Variants in DNAJC24 observed in about 807,000 individuals in gnomAD.
The protein encoded by DNAJC24 is dnaJ homolog subfamily C member 24.
In DNAJC24, 17 loss-of-function variants were observed where a neutral mutation model predicts 18.0. That is an observed-to-expected ratio of 0.94 (90% CI 0.65 to 1.42). The LOEUF is 1.42. Among genes scored for constraint, DNAJC24 ranks in the 40% most tolerant of loss-of-function variants. The probability of loss-of-function intolerance (pLI) is 0.00; values close to 1 mark genes in which losing one functional copy is unlikely to be tolerated. For missense variants in DNAJC24, 158 were observed against 175.6 expected (o/e 0.90, Z 0.57); for synonymous variants, 55 against 57.7 (o/e 0.95, Z 0.21).
At chr11:31,410,292 A>G (rs563803495) in intron 2 of DNAJC24, among the ~76,000 whole-genome samples, 2 of 152,358 alleles carry the variant, frequency 1.3e-5, no homozygotes, top group Non-Finnish European at 2.9e-5. Context: ...CTAATAACTA[A>G]TAAAAAAGTT....
At chr11:31,401,494 C>G (rs1426807527) in intron 2 of DNAJC24, among the ~76,000 whole-genome samples, 3 of 151,912 alleles carry the variant, frequency 2.0e-5, no homozygotes, top group African/African-American at 7.3e-5. Flanking sequence ...CCCCTCTTCC[C>G]CTTCCTCTGC....
chr11:31,411,540 G>T (rs181036570), intron 2 of DNAJC24, among the ~76,000 whole-genome samples: 14 of 152,342 alleles, frequency 9.2e-5, no homozygotes, highest in African/African-American at 3.1e-4. Flanking sequence ...TCCATTGCTT[G>T]TCTTTTCCAG....
chr11:31,395,377 G>A (rs143143892), intron 2 of DNAJC24, among the ~76,000 whole-genome samples: 90 of 152,128 alleles, frequency 5.9e-4, no homozygotes, highest in Non-Finnish European at 9.1e-4. Flanking sequence ...GTGTCTTTGT[G>A]GTGTAAGGAT....
intron 2 of DNAJC24, among the ~76,000 whole-genome samples, chr11:31,390,632 G>A (rs1427776406): frequency 2.0e-5 from 3 of 151,140 alleles, no homozygotes; most frequent in Non-Finnish European, 2.9e-5. Context: ...CTTGAACCTG[G>A]GAGGTGGAGG....
chr11:31,426,421 C>T, intron 4 of DNAJC24, 66 bp downstream of exon 4: 1 of 860,526 alleles, frequency 1.2e-6, no homozygotes, highest in Non-Finnish European at 1.8e-6. Flanking sequence ...GAAAAAAAAA[C>T]TCATTGGATA....
At chr11:31,411,675 C>G (rs1046832386) in intron 2 of DNAJC24, among the ~76,000 whole-genome samples, 8 of 152,210 alleles carry the variant, frequency 5.3e-5, no homozygotes, top group African/African-American at 1.4e-4. Context: ...TCAGCTCTTT[C>G]TCTGCCTCTT....
rs1009878444 is a variant in DNAJC24, at chr11:31,382,466, G to T, written c.111+11607G>T. ...GTACAAGATGCATTTAAAGAATCAT[G>T]CAGGGCCATATAAAAATACAGAATA... On this transcript the variant is annotated intron_variant, in intron 2 of 4. Coordinates refer to ENST00000465995, the MANE Select transcript of DNAJC24 (RefSeq NM_181706.5). Among the ~76,000 whole-genome samples the T allele has an allele frequency of 9.9e-5, 15 of 152,228 alleles. 1 individual carries two copies. Among genetic ancestry groups the T allele is most frequent in the Admixed American group, 7.8e-4 (12 of 15,290 alleles).
At position 31,417,439 on chromosome 11, in the gene DNAJC24, G is replaced by A. The variant is rs1952760502; in HGVS notation, c.250+2490G>A. 4 of 152,010 alleles carry A rather than the reference G, an allele frequency of 2.6e-5. No individual in the cohort carries two copies. The South Asian group carries it at 8.3e-4, about 32-fold the overall frequency. The allele number at this position is 152,010 out of a possible 1,614,324, so 9.4% of individuals were successfully genotyped here. A position where few individuals can be genotyped will look rare whatever the true frequency, so the allele number is the denominator to read the frequency against. ...TGAACTTGAACATCTCTAAAAGTGA[G>A]GATTTAGGTTTGCTAGAAGGAAAAC... On this transcript the variant is annotated intron_variant, in intron 3 of 4. Coordinates refer to ENST00000465995, the MANE Select transcript of DNAJC24 (RefSeq NM_181706.5).
intron 4 of DNAJC24, chr11:31,429,345 G>A (rs1009132682): frequency 1.4e-5 from 3 of 221,358 alleles, no homozygotes; most frequent in African/African-American, 6.8e-5. Flanking sequence ...CATATGATGC[G>A]ATCTAAGTAT....
At chr11:31,421,740 T>C (rs182141334) in intron 3 of DNAJC24, among the ~76,000 whole-genome samples, 47 of 152,306 alleles carry the variant, frequency 3.1e-4, no homozygotes, top group African/African-American at 1.1e-3. Flanking sequence ...TTTACTATCA[T>C]TAGGAGGAAG....
intron 2 of DNAJC24, among the ~76,000 whole-genome samples, chr11:31,378,022 T>C: frequency 6.6e-6 from 1 of 152,074 alleles, no homozygotes; most frequent in Non-Finnish European, 1.5e-5. Context: ...GTCATCCACT[T>C]TAATGTCTTG....
At position 31,411,826 on chromosome 11, in the gene DNAJC24, G is replaced by C. The variant is rs561669462; in HGVS notation, c.112-2985G>C. On this transcript the variant is annotated intron_variant, in intron 2 of 4. Transcript: ENST00000465995. ...TAACATTTACAGGTACCAGATATTG[G>C]GACTTTATATATTTGGGGGCCATTA... Among the ~76,000 whole-genome samples the C allele has an allele frequency of 4.6e-5, 7 of 152,234 alleles. No homozygotes were observed. The South Asian group carries it at 1.5e-3, about 32-fold the overall frequency.
At chr11:31,397,400 C>T (rs1473633536) in intron 2 of DNAJC24, among the ~76,000 whole-genome samples, 2 of 151,618 alleles carry the variant, frequency 1.3e-5, no homozygotes, top group Non-Finnish European at 2.9e-5. Flanking sequence ...ATCAATGAAT[C>T]GTTGACTGCT....
chr11:31,419,337 CAGTT>C (rs1012958938), intron 3 of DNAJC24, among the ~76,000 whole-genome samples: 4 of 151,972 alleles, frequency 2.6e-5, no homozygotes, highest in African/African-American at 9.7e-5. Flanking sequence ...TCCATCTTGA[CAGTT>C]GGGGACTGGC....
At chr11:31,414,743 A>AT in intron 2 of DNAJC24, 68 bp from the exon 3 acceptor site, 4 of 1,484,042 alleles carry the variant, frequency 2.7e-6, no homozygotes, top group Middle Eastern at 1.8e-4. Flanking sequence ...CAGATTTACA[A>AT]TTTTTTTAAA....
intron 2 of DNAJC24, 23 bp downstream of exon 2, chr11:31,370,882 T>G (rs1427264398): frequency 1.3e-6 from 2 of 1,489,408 alleles, no homozygotes; most frequent in Non-Finnish European, 9.2e-7. Context: ...TTTCAGATTT[T>G]AAATCATGAG....
intron 2 of DNAJC24, among the ~76,000 whole-genome samples, chr11:31,382,064 G>A (rs1316706712): frequency 6.6e-6 from 1 of 152,160 alleles, no homozygotes; most frequent in Non-Finnish European, 1.5e-5. Context: ...GTTAGGGTTA[G>A]TATATACTGT....
intron 2 of DNAJC24, among the ~76,000 whole-genome samples, chr11:31,398,830 C>A (rs1952570286): frequency 6.6e-6 from 1 of 152,182 alleles, no homozygotes; most frequent in African/African-American, 2.4e-5. Flanking sequence ...TCTATAGGAT[C>A]TGTATGTGTA....
intron 4 of DNAJC24, chr11:31,429,741 T>A (rs1952901877): frequency 5.9e-6 from 1 of 169,202 alleles, no homozygotes; most frequent in African/African-American, 2.4e-5. Context: ...GGTGTTGTGT[T>A]TATAGACTTA....
Sources: gnomAD v4.1 joint callset for allele counts (sites outside exome capture counted in the v4.1 genomes callset) on GRCh38, gnomAD v4.1.1 for gene constraint, MANE v1.5 for transcripts, NCBI Gene and HGNC (gene_info 2026-07-23, HGNC 2026-07-21) for gene names.